The following SSPN variants were observed in gnomAD, a reference collection of about 807,000 sequenced individuals.
SSPN encodes the protein sarcospan.
In SSPN, 15 loss-of-function variants were observed where a neutral mutation model predicts 19.1. That is an observed-to-expected ratio of 0.78 (90% CI 0.52 to 1.21). SSPN has a LOEUF of 1.21. Ranked by LOEUF, SSPN falls within the 50% of genes most tolerant of loss-of-function variation. The pLI, the probability that SSPN is intolerant of heterozygous loss-of-function variation, is 0.00. For missense variants in SSPN, 291 were observed against 314.0 expected (o/e 0.93, Z 0.55); for synonymous variants, 147 against 140.3 (o/e 1.05, Z -0.34).
intron 1 of SSPN, among the ~76,000 whole-genome samples, chr12:26,157,513 C>T (rs1320492342): frequency 2.6e-5 from 4 of 152,112 alleles, no homozygotes; most frequent in African/African-American, 9.7e-5. Context: ...ACTGTACTCA[C>T]AATTATCAAT....
At chr12:26,124,529 T>C (rs757873333) in intron 1 of SSPN, 3 of 1,614,054 alleles carry the variant, frequency 1.9e-6, no homozygotes, top group Non-Finnish European at 2.5e-6. Context: ...CTTGGTGTCG[T>C]CTCGTTTCAT....
intron 1 of SSPN, among the ~76,000 whole-genome samples, chr12:26,176,578 T>G (rs1444871811): frequency 1.3e-5 from 2 of 152,252 alleles, no homozygotes; most frequent in African/African-American, 2.4e-5. Flanking sequence ...CTCCACTCAC[T>G]AACTTCTTTA....
chr12:26,230,576 T>C, intron 2 of SSPN, 135 bp from the exon 3 acceptor site: 1 of 992,458 alleles, frequency 1.0e-6, no homozygotes, highest in Non-Finnish European at 1.4e-6. Context: ...GGGTGTTGTG[T>C]TTCTAAGAAG....
At chr12:26,123,550 G>C in intron 1 of SSPN, 1 of 955,188 alleles carries the variant, frequency 1.0e-6, no homozygotes, top group South Asian at 1.3e-5. Context: ...GATGGGGTGC[G>C]GGTGAGGGAG....
At chr12:26,190,846 C>T (rs1395634709), upstream of SSPN, among the ~76,000 whole-genome samples, 1 of 152,060 alleles carries the variant, frequency 6.6e-6, no homozygotes, top group East Asian at 1.9e-4. Context: ...CAACTAAGAC[C>T]CATATGATCA....
chr12:26,135,231 G>A (rs1026879446), intron 1 of SSPN, among the ~76,000 whole-genome samples: 1 of 152,148 alleles, frequency 6.6e-6, no homozygotes. Context: ...CTGGCAAGCT[G>A]TGTTTACAGG....
chr12:26,223,776 C>T (rs1267147295), intron 1 of SSPN, among the ~76,000 whole-genome samples: 1 of 152,178 alleles, frequency 6.6e-6, no homozygotes, highest in African/African-American at 2.4e-5. Context: ...ATATAAAGCC[C>T]TTAGAAGAGC....
intron 1 of SSPN, among the ~76,000 whole-genome samples, chr12:26,178,339 C>A (rs1214701678): frequency 6.6e-6 from 1 of 151,232 alleles, no homozygotes; most frequent in Non-Finnish European, 1.5e-5. Context: ...ATTATAAGGA[C>A]TAAATGTATG....
intron 1 of SSPN, among the ~76,000 whole-genome samples, chr12:26,144,071 A>T (rs1052310979): frequency 6.6e-6 from 1 of 152,192 alleles, no homozygotes; most frequent in African/African-American, 2.4e-5. Context: ...ACAATGTAAT[A>T]ATAATAGAAA....
chr12:26,160,940 T>C (rs1025735387), intron 1 of SSPN, among the ~76,000 whole-genome samples: 1 of 151,830 alleles, frequency 6.6e-6, no homozygotes, highest in African/African-American at 2.4e-5. Flanking sequence ...AAACCCTGTC[T>C]CTACTAAAAA....
At chr12:26,173,341 T>G (rs1185581005) in intron 1 of SSPN, among the ~76,000 whole-genome samples, 1 of 152,108 alleles carries the variant, frequency 6.6e-6, no homozygotes, top group Non-Finnish European at 1.5e-5. Context: ...TCTAAATAGA[T>G]CTCTAATGAA....
In SSPN at chr12:26,230,866, G is replaced by A; in HGVS notation, c.522G>A (p.Arg174=). The A allele has an allele frequency of 2.5e-6, 4 of 1,614,164 alleles. No individual in the cohort carries two copies. The highest frequency in any genetic ancestry group is 3.4e-6 in the Non-Finnish European group (4 of 1,180,028). Residue 174 remains arginine, a synonymous_variant, in exon 3 of 3, where the codon AGG becomes AGA. Coordinates refer to ENST00000242729, the MANE Select transcript of SSPN (RefSeq NM_005086.5). ...TGCCCTCCTCGGAGCCGCTCAGCAG[G>A]ACCTTTGTTTACCGGGATGTGACGG... ...CKLPSSEPLS[R]TFVYRDVTDC... is the part of the protein sequence containing the mutation.
chr12:26,143,943 T>C (rs371602598), intron 1 of SSPN, among the ~76,000 whole-genome samples: 1 of 152,206 alleles, frequency 6.6e-6, no homozygotes, highest in African/African-American at 2.4e-5. Context: ...TAATGCCTGA[T>C]GATCCATCAC....
chr12:26,207,405 T>C (rs914601674), intron 1 of SSPN, among the ~76,000 whole-genome samples: 2 of 152,260 alleles, frequency 1.3e-5, no homozygotes, highest in Non-Finnish European at 2.9e-5. Context: ...TATTATTTTT[T>C]AAGAAAGGAA....
rs575362169 is a variant in SSPN, at chr12:26,224,184, C to T, written c.280-109C>T. ...AGTACATAAAGATAAGTAAAAGAAA[C>T]GGACAGCTTTATAACATGGATGTGA... On this transcript the variant is annotated intron_variant, in intron 1 of 2. Transcript: ENST00000242729. The T allele has an allele frequency of 2.6e-5, 19 of 739,312 alleles. No individual in the cohort carries two copies. The African/African-American group carries it at 2.7e-4, about 10-fold the overall frequency. 45.8% of individuals were successfully genotyped at this position (739,312 alleles called of 1,614,324 possible).
intron 1 of SSPN, among the ~76,000 whole-genome samples, chr12:26,183,587 T>C (rs1036979028): frequency 5.3e-5 from 8 of 152,248 alleles, no homozygotes; most frequent in African/African-American, 1.9e-4. Context: ...TGACTGACTA[T>C]AAAAGAAAAT....
At chr12:26,167,302 C>G (rs1273882977) in intron 1 of SSPN, among the ~76,000 whole-genome samples, 1 of 151,444 alleles carries the variant, frequency 6.6e-6, no homozygotes, top group African/African-American at 2.4e-5. Flanking sequence ...TATTTTTTTC[C>G]CTCTTGTGAT....
intron 1 of SSPN, among the ~76,000 whole-genome samples, chr12:26,174,799 G>A (rs1233145898): frequency 6.6e-6 from 1 of 152,128 alleles, no homozygotes; most frequent in Non-Finnish European, 1.5e-5. Context: ...GGGATTACAG[G>A]CGTGAGCCAC....
chr12:26,194,466 A>T (rs923562159), upstream of SSPN, among the ~76,000 whole-genome samples: 5 of 152,120 alleles, frequency 3.3e-5, no homozygotes, highest in Non-Finnish European at 7.4e-5. Context: ...GCTCACTACA[A>T]CCTCTGCCTC....
Sources: gnomAD v4.1 joint callset for allele counts (sites outside exome capture counted in the v4.1 genomes callset) on GRCh38, gnomAD v4.1.1 for gene constraint, MANE v1.5 for transcripts, NCBI Gene and HGNC (gene_info 2026-07-23, HGNC 2026-07-21) for gene names.